Variants in ADCY1 observed in about 807,000 individuals in gnomAD.
ADCY1 encodes the protein adenylate cyclase type 1.
In ADCY1, 28 loss-of-function variants were observed where a neutral mutation model predicts 105.4. The observed-to-expected ratio is 0.27, with a 90% CI of 0.20 to 0.36. ADCY1 has a LOEUF of 0.36. ADCY1 is among the 10% of genes least tolerant of loss of function. ADCY1 has a pLI of 1.00. For missense variants in ADCY1, 977 were observed against 1,434.2 expected (o/e 0.68, Z 5.15); for synonymous variants, 655 against 623.8 (o/e 1.05, Z -0.75).
intron 1 of ADCY1, among the ~76,000 whole-genome samples, chr7:45,585,926 C>T (rs1792709944): frequency 6.6e-6 from 1 of 152,216 alleles, no homozygotes; most frequent in African/African-American, 2.4e-5. Context: ...TGGTGTTACC[C>T]TCTCTGGGAG....
chr7:45,597,607 T>C (rs1793114215), intron 2 of ADCY1, among the ~76,000 whole-genome samples: 1 of 152,216 alleles, frequency 6.6e-6, no homozygotes, highest in Non-Finnish European at 1.5e-5. Flanking sequence ...TACTGTTTAG[T>C]GTCAATAGCC....
chr7:45,713,603 G>A (rs971125186), intron 19 of ADCY1, 90 bp from the exon 20 acceptor site: 4 of 696,884 alleles, frequency 5.7e-6, no homozygotes, highest in East Asian at 5.0e-5. Context: ...AGGGTGGACA[G>A]CAACAGATGC....
At position 45,710,136 on chromosome 7, in the gene ADCY1, T is replaced by TG. The variant is rs1176011272; in HGVS notation, c.2933-390dup. On this transcript the variant is annotated intron_variant, in intron 18 of 19. Transcript: ENST00000297323. The surrounding 1 kb of genome is among the most constrained non-coding windows in gnomAD (Gnocchi z 4.7). ...ATTTTTCTGGAAGAGAGGATGCACT[T>TG]GGAGACATACCCTGTAATCACAGAT... Among the ~76,000 whole-genome samples the TG allele has an allele frequency of 2.0e-5, 3 of 152,198 alleles. No individual in the cohort carries two copies. The highest frequency in any genetic ancestry group is 7.2e-5 in the African/African-American group (3 of 41,444).
intron 14 of ADCY1, among the ~76,000 whole-genome samples, chr7:45,694,726 G>T (rs1784849216): frequency 6.6e-6 from 1 of 152,200 alleles, no homozygotes; most frequent in African/African-American, 2.4e-5. Flanking sequence ...CCTTTGTTAG[G>T]AAGAACCAGA....
Position 45,686,601 on chromosome 7 carries a change from C to T in ADCY1, c.2382C>T (p.Phe794=), listed in dbSNP as rs1395272331. Reference sequence around the variant, plus strand: ...AGCCGATTGTGGCCATCCTGCTCTTCTCCTGTGCGCTGGCCCTGCATGCCA... The same window carrying T: ...AGCCGATTGTGGCCATCCTGCTCTTTTCCTGTGCGCTGGCCCTGCATGCCA... ...SYEPIVAILL[F]SCALALHARQ... is the part of the protein sequence containing the mutation. The change falls in exon 14 of 20, where the codon TTC becomes TTT. Residue 794 remains phenylalanine (F), a synonymous_variant. Transcript: ENST00000297323. The surrounding 1 kb of genome is among the most constrained non-coding windows in gnomAD (Gnocchi z 4.3). 2 of 1,613,754 alleles carry T rather than the reference C, an allele frequency of 1.2e-6. No individual in the cohort carries two copies. The highest frequency in any genetic ancestry group is 1.7e-6 in the Non-Finnish European group (2 of 1,179,724).
intron 2 of ADCY1, among the ~76,000 whole-genome samples, chr7:45,593,168 C>T (rs1460467918): frequency 1.3e-5 from 2 of 152,184 alleles, no homozygotes; most frequent in African/African-American, 4.8e-5. Flanking sequence ...CACGGACTTC[C>T]GGTTGCAGCT....
At chr7:45,685,818 G>A in intron 12 of ADCY1, 144 bp from the exon 13 acceptor site, 1 of 1,045,018 alleles carries the variant, frequency 9.6e-7, no homozygotes, top group African/African-American at 1.6e-5. Flanking sequence ...TTGCCATGAG[G>A]TCTGTGGCTT....
rs985505103 is a variant in ADCY1, at chr7:45,575,251, G to C, written c.639+69G>C. 88 of 1,501,524 alleles carry C rather than the reference G, an allele frequency of 5.9e-5. No individual in the cohort carries two copies. In the African/African-American group the frequency reaches 1.2e-3, roughly 21 times the overall value. 93.0% of individuals were successfully genotyped at this position (1,501,524 alleles called of 1,614,324 possible). On this transcript the variant is annotated intron_variant, in intron 1 of 19. Transcript: ENST00000297323. The surrounding 1 kb of genome is among the most constrained non-coding windows in gnomAD (Gnocchi z 4.7). ...GCTGGGACGATGCTGGGAATGCCCGGAGTCGGGCGCGCTTTTTCCTATGCG... is the reference window on the plus strand; with the variant it reads ...GCTGGGACGATGCTGGGAATGCCCGCAGTCGGGCGCGCTTTTTCCTATGCG...
At chr7:45,618,981 A>G (rs1793815607) in intron 3 of ADCY1, among the ~76,000 whole-genome samples, 1 of 152,196 alleles carries the variant, frequency 6.6e-6, no homozygotes, top group African/African-American at 2.4e-5. Context: ...ACAGCAGATG[A>G]ATGGATAGAG....
At chr7:45,671,966 T>G (rs1012326178) in intron 8 of ADCY1, among the ~76,000 whole-genome samples, 1 of 152,192 alleles carries the variant, frequency 6.6e-6, no homozygotes, top group Non-Finnish European at 1.5e-5. Context: ...AATTTATTGA[T>G]TTTTCTCTTT....
intron 2 of ADCY1, among the ~76,000 whole-genome samples, chr7:45,606,555 T>C (rs1388922522): frequency 6.6e-6 from 1 of 152,206 alleles, no homozygotes; most frequent in East Asian, 1.9e-4. Flanking sequence ...CACCTTTATG[T>C]CATTTCTTGG....
intron 7 of ADCY1, among the ~76,000 whole-genome samples, chr7:45,660,941 G>A (rs1223807010): frequency 6.7e-6 from 1 of 150,148 alleles, no homozygotes; most frequent in Non-Finnish European, 1.5e-5. Context: ...GCTCAGGTCA[G>A]GGGTTCATGG....
At chr7:45,657,111 C>T (rs1794962151) in intron 5 of ADCY1, among the ~76,000 whole-genome samples, 1 of 152,256 alleles carries the variant, frequency 6.6e-6, no homozygotes, top group Admixed American at 6.5e-5. Flanking sequence ...CTGTTGTCCC[C>T]ACCCCAGCTC....
At chr7:45,654,294 C>A (rs1479219593) in intron 5 of ADCY1, among the ~76,000 whole-genome samples, 2 of 152,234 alleles carry the variant, frequency 1.3e-5, no homozygotes, top group African/African-American at 4.8e-5. Flanking sequence ...GAACCTCATT[C>A]TTCCACATGA....
At chr7:45,680,843 A>G (rs1022351325) in intron 11 of ADCY1, among the ~76,000 whole-genome samples, 3 of 152,276 alleles carry the variant, frequency 2.0e-5, no homozygotes, top group Non-Finnish European at 4.4e-5. Context: ...ATGGTGTACA[A>G]ATAGCATTAG....
In ADCY1 at chr7:45,592,785, C is replaced by T. The variant is rs149960050; in HGVS notation, c.666C>T (p.Val222=). ...RTLGANALLF[V]GVNMYGVFVR... ...TCGGTGCCAATGCCTTGCTCTTCGT[C>T]GGTGTGAACATGTATGGGGTCTTTG... Residue 222 remains valine (V), a synonymous_variant, in exon 2 of 20, where the codon GTC becomes GTT. Transcript: ENST00000297323. The T allele has an allele frequency of 4.4e-5, 71 of 1,614,074 alleles. No homozygotes were observed. Among genetic ancestry groups the T allele is most frequent in the African/African-American group, 3.2e-4 (24 of 74,936 alleles).
At chr7:45,588,690 G>A (rs1232487755) in intron 1 of ADCY1, among the ~76,000 whole-genome samples, 1 of 152,144 alleles carries the variant, frequency 6.6e-6, no homozygotes, top group East Asian at 1.9e-4. Flanking sequence ...CCTTTTCCGA[G>A]CATGCTGGTG....
At chr7:45,578,695 A>T (rs1046894712) in intron 1 of ADCY1, among the ~76,000 whole-genome samples, 2 of 152,212 alleles carry the variant, frequency 1.3e-5, no homozygotes, top group African/African-American at 4.8e-5. Flanking sequence ...AGTCCTTCCC[A>T]CAGGAGTCCG....
chr7:45,583,518 CAAGTAGACTCTTCTCTG>C (rs948096941), intron 1 of ADCY1, among the ~76,000 whole-genome samples: 17 of 152,206 alleles, frequency 1.1e-4, no homozygotes, highest in African/African-American at 3.6e-4. Context: ...TTCCTTCTCC[CAAGTAGACTCTTCTCTG>C]AAGTAGACTC....
Sources: gnomAD v4.1 joint callset for allele counts (sites outside exome capture counted in the v4.1 genomes callset) on GRCh38, gnomAD v4.1.1 for gene constraint, Gnocchi (gnomAD v3.1) non-coding constraint, MANE v1.5 for transcripts, NCBI Gene and HGNC (gene_info 2026-07-23, HGNC 2026-07-21) for gene names.